DTX1: variants seen among roughly 807,000 people sequenced by gnomAD.
The protein encoded by DTX1 is E3 ubiquitin-protein ligase DTX1.
In DTX1, 26 loss-of-function variants were observed where a neutral mutation model predicts 57.8. The ratio of observed to expected loss-of-function variants is 0.45; its 90% CI spans 0.33 to 0.62. The LOEUF (loss-of-function observed/expected upper bound fraction) is 0.62, where lower values mean the gene tolerates loss of function less well. Ranked by LOEUF, DTX1 falls within the 20% of genes least tolerant of loss-of-function variation. DTX1 has a pLI of 0.02. For synonymous variants in DTX1, 398 were observed against 394.1 expected, an observed-to-expected ratio of 1.01 and a Z score of -0.12; for missense variants, 704 against 895.3, an observed-to-expected ratio of 0.79 and a Z score of 2.73.
chr12:113,091,035 C>T (rs946883603), intron 3 of DTX1, among the ~76,000 whole-genome samples: 4 of 152,184 alleles, frequency 2.6e-5, no homozygotes. Context: ...CAGGCTGCAG[C>T]GCGCCGGGGG....
In DTX1 at chr12:113,078,095, A is replaced by T. The variant is rs1024898552; in HGVS notation, c.931A>T (p.Ile311Phe). The change falls in exon 3 of 10, where the codon ATC becomes TTC. Residue 311 changes from isoleucine to phenylalanine, a missense_variant. Transcript: ENST00000548759. ...RTTSVSARAS[I>F]PPGVPALPVK... Reference sequence around the variant, plus strand: ...CACCAGCGTGAGCGCGCGCGCCTCCATCCCGCCGGGGTAAGACGGGGCCCA... The same window carrying T: ...CACCAGCGTGAGCGCGCGCGCCTCCTTCCCGCCGGGGTAAGACGGGGCCCA... The T allele has an allele frequency of 5.6e-5, 78 of 1,386,176 alleles. No homozygotes were observed. The highest frequency in any genetic ancestry group is 7.1e-5 in the Non-Finnish European group (76 of 1,069,794). The allele number at this position is 1,386,176 out of a possible 1,614,324, so 85.9% of individuals were successfully genotyped here. A position where few individuals can be genotyped will look rare whatever the true frequency, so the allele number is the denominator to read the frequency against.
In DTX1 at chr12:113,064,163, C is replaced by T. The variant is rs1157099854; in HGVS notation, c.259+5712C>T. 3.9e-5 allele frequency among the ~76,000 whole-genome samples: 6 copies of T among 152,204 alleles called. No homozygotes were observed. The East Asian group carries it at 1.2e-3, about 29-fold the overall frequency. Reference sequence around the variant, plus strand: ...TACAGGACCCTTTGGGACCCTCTCTCCAGCCTCCTCACTGGAGACTAGGGC... The same window carrying T: ...TACAGGACCCTTTGGGACCCTCTCTTCAGCCTCCTCACTGGAGACTAGGGC... On this transcript the variant is annotated intron_variant, in intron 2 of 9. Coordinates refer to ENST00000548759, the MANE Select transcript of DTX1 (RefSeq NM_004416.3).
chr12:113,096,672 C>T, intron 9 of DTX1, 43 bp from the exon 10 acceptor site: 2 of 1,556,700 alleles, frequency 1.3e-6, no homozygotes, highest in Non-Finnish European at 8.7e-7. Flanking sequence ...CTGGAAGCTG[C>T]CTGTGACCTC....
intron 2 of DTX1, among the ~76,000 whole-genome samples, chr12:113,073,362 C>A (rs927698097): frequency 2.0e-5 from 3 of 152,218 alleles, no homozygotes; most frequent in Middle Eastern, 6.8e-3. Flanking sequence ...GTGGAGGAAG[C>A]CCCATCACCA....
At chr12:113,073,600 G>A (rs1022617831) in intron 2 of DTX1, among the ~76,000 whole-genome samples, 1 of 152,120 alleles carries the variant, frequency 6.6e-6, no homozygotes, top group African/African-American at 2.4e-5. Flanking sequence ...TCCAGCTATT[G>A]GGGCCTGTCC....
intron 3 of DTX1, among the ~76,000 whole-genome samples, chr12:113,088,553 A>T (rs1950221878): frequency 6.6e-6 from 1 of 152,268 alleles, no homozygotes; most frequent in South Asian, 2.1e-4. Flanking sequence ...GCACATGTAT[A>T]CATATTTAAC....
chr12:113,057,402 C>G (rs2136419822), intron 1 of DTX1, 47 bp from the exon 2 acceptor site: 1 of 152,510 alleles, frequency 6.6e-6, no homozygotes, highest in East Asian at 1.9e-4. Context: ...GGAGGGGGTG[C>G]TGCGCTCTCC....
chr12:113,070,136 G>A (rs1235666325), intron 2 of DTX1, among the ~76,000 whole-genome samples: 2 of 152,146 alleles, frequency 1.3e-5, no homozygotes, highest in Non-Finnish European at 2.9e-5. Flanking sequence ...CTAAAATGGG[G>A]CAATAACACC....
Position 113,094,834 on chromosome 12 carries a change from G to GAGGGCGTGCTTCGGCACA in DTX1, c.1283_1300dup (p.Leu428_Val433dup), listed in dbSNP as rs747735678. The GAGGGCGTGCTTCGGCACA allele has an allele frequency of 1.2e-6, 2 of 1,613,864 alleles. No homozygotes were observed. Among genetic ancestry groups the GAGGGCGTGCTTCGGCACA allele is most frequent in the Admixed American group, 3.3e-5 (2 of 60,020 alleles). ...GCGACTGGTCACAGCATCAGGCTAC[G>GAGGGCGTGCTTCGGCACA]AGGGCGTGCTTCGGCACAAGGGCGT... On this transcript the variant is annotated inframe_insertion, in exon 7 of 10. Coordinates refer to ENST00000548759, the MANE Select transcript of DTX1 (RefSeq NM_004416.3).
In DTX1 at chr12:113,094,861, C is replaced by T. The variant is rs771049060; in HGVS notation, c.1300C>T (p.Arg434Trp). The T allele has an allele frequency of 1.1e-5, 17 of 1,613,620 alleles. No homozygotes were observed. In the Admixed American group the frequency reaches 1.3e-4, roughly 13 times the overall value. ...GGGCGTGCTTCGGCACAAGGGCGTG[C>T]GGCCTGAGCTCGTGGGCCGCCTGGG... ...YEGVLRHKGV[R>W]PELVGRLGRC... Residue 434 changes from arginine to tryptophan, a missense_variant, in exon 7 of 10, where the codon CGG (arginine) becomes TGG (tryptophan). Arg to Trp is a moderately radical substitution (Grantham distance 101, BLOSUM62 -3). Coordinates refer to ENST00000548759, the MANE Select transcript of DTX1 (RefSeq NM_004416.3).
At chr12:113,079,514 T>C (rs1023229472) in intron 3 of DTX1, among the ~76,000 whole-genome samples, 5 of 114,340 alleles carry the variant, frequency 4.4e-5, no homozygotes, top group African/African-American at 1.4e-4. Flanking sequence ...TGGCCACTTC[T>C]CTTTTTTTTT....
At chr12:113,083,431 T>G (rs1442896193) in intron 3 of DTX1, among the ~76,000 whole-genome samples, 1 of 152,172 alleles carries the variant, frequency 6.6e-6, no homozygotes, top group East Asian at 1.9e-4. Context: ...GTTCAAGTGA[T>G]TCTCCTGCCT....
chr12:113,080,310 T>G (rs1462598053), intron 3 of DTX1, among the ~76,000 whole-genome samples: 2 of 152,054 alleles, frequency 1.3e-5, no homozygotes, highest in Non-Finnish European at 2.9e-5. Context: ...GGGGCTGAAG[T>G]ATCAGTTATG....
chr12:113,067,259 C>G (rs1451041076), intron 2 of DTX1, among the ~76,000 whole-genome samples: 1 of 151,878 alleles, frequency 6.6e-6, no homozygotes, highest in Non-Finnish European at 1.5e-5. Flanking sequence ...CAGAGTTTAC[C>G]TGGAATACCA....
intron 3 of DTX1, among the ~76,000 whole-genome samples, chr12:113,092,340 G>A (rs1265217588): frequency 5.4e-5 from 7 of 130,066 alleles, no homozygotes; most frequent in South Asian, 2.5e-4. Flanking sequence ...AAAAAAAAAA[G>A]GTACCATATT....
At chr12:113,096,662 C>T (rs1234362420) in intron 9 of DTX1, 53 bp from the exon 10 acceptor site, 5 of 1,529,172 alleles carry the variant, frequency 3.3e-6, no homozygotes, top group Non-Finnish European at 4.4e-6. Context: ...GGCTGGTGGG[C>T]TGGAAGCTGC....
rs934666829 is a variant in DTX1 at position 113,097,263 on chromosome 12, C to G, written c.*324C>G. On this transcript the variant is annotated 3_prime_UTR_variant, in exon 10 of 10. Transcript: ENST00000548759. Reference sequence around the variant, plus strand: ...CACACCCACGTGCCTGTACTTGCCCCCAGGCTGGAAGAGAAGAGACAGAAA... The same window carrying G: ...CACACCCACGTGCCTGTACTTGCCCGCAGGCTGGAAGAGAAGAGACAGAAA... 1 of 290,462 alleles carries G rather than the reference C, an allele frequency of 3.4e-6. No individual in the cohort carries two copies. The highest frequency in any genetic ancestry group is 2.2e-5 in the African/African-American group (1 of 46,144). The allele number at this position is 290,462 out of a possible 1,614,324, so 18.0% of individuals were successfully genotyped here.
intron 2 of DTX1, among the ~76,000 whole-genome samples, chr12:113,063,171 A>T (rs1592841538): frequency 6.6e-6 from 1 of 152,306 alleles, no homozygotes; most frequent in South Asian, 2.1e-4. Context: ...CACATATGGG[A>T]AGCCCAAGGC....
Position 113,076,570 on chromosome 12 carries a change from G to C in DTX1, c.260-854G>C, listed in dbSNP as rs2044773563. Among the ~76,000 whole-genome samples, 10 of 151,836 alleles carry C rather than the reference G, an allele frequency of 6.6e-5. 1 individual carries two copies. The South Asian group carries it at 2.1e-3, about 32-fold the overall frequency. On this transcript the variant is annotated intron_variant, in intron 2 of 9. Coordinates refer to ENST00000548759, the MANE Select transcript of DTX1 (RefSeq NM_004416.3). ...CTTGAGCCGAAGAGTTTGAGACTTA[G>C]CCTGGGCAACATAGGGAGACCCCTG...
Sources: gnomAD v4.1 joint callset for allele counts (sites outside exome capture counted in the v4.1 genomes callset) on GRCh38, gnomAD v4.1.1 for gene constraint, MANE v1.5 for transcripts, NCBI Gene and HGNC (gene_info 2026-07-23, HGNC 2026-07-21) for gene names.